Variants in CNNM3 observed in about 807,000 individuals in gnomAD.
CNNM3 encodes the protein metal transporter CNNM3.
Under a neutral mutation model 57.1 loss-of-function variants are expected in CNNM3, and 47 were observed. That is an observed-to-expected ratio of 0.82 (90% CI 0.65 to 1.05). The LOEUF (loss-of-function observed/expected upper bound fraction) is 1.05, where lower values mean the gene tolerates loss of function less well. Among genes scored for constraint, CNNM3 ranks in the 50% least tolerant of loss-of-function variants. The pLI, the probability that CNNM3 is intolerant of heterozygous loss-of-function variation, is 0.00. For synonymous variants in CNNM3, 507 were observed against 478.2 expected (o/e 1.06, Z -0.79); for missense variants, 957 against 973.7 (o/e 0.98, Z 0.23).
chr2:96,819,447 C>A (rs1370486632), intron 1 of CNNM3, among the ~76,000 whole-genome samples: 1 of 152,230 alleles, frequency 6.6e-6, no homozygotes, highest in Non-Finnish European at 1.5e-5. Context: ...GCACTTTGGC[C>A]AGTGCCTGGC....
intron 1 of CNNM3, among the ~76,000 whole-genome samples, chr2:96,817,785 G>T (rs2079347433): frequency 6.6e-6 from 1 of 150,656 alleles, no homozygotes; most frequent in South Asian, 2.1e-4. Context: ...GGGTATGTCC[G>T]CTTGTCCTCT....
chr2:96,831,073 C>T lies in CNNM3; in HGVS notation c.2060-1479C>T, dbSNP rs538810904. Among the ~76,000 whole-genome samples the T allele has an allele frequency of 5.3e-5, 8 of 152,288 alleles. No individual in the cohort carries two copies. The East Asian group carries it at 5.8e-4, about 11-fold the overall frequency. On this transcript the variant is annotated intron_variant, in intron 7 of 7. Coordinates refer to ENST00000305510, the MANE Select transcript of CNNM3 (RefSeq NM_017623.5). Reference sequence around the variant, plus strand: ...AATGCTCTTCCCATCACTGCACACCCGGAGATTTTTAAATAATCTTCACTG... The same window carrying T: ...AATGCTCTTCCCATCACTGCACACCTGGAGATTTTTAAATAATCTTCACTG...
At chr2:96,827,996 C>T (rs1245920515) in intron 4 of CNNM3, 96 bp downstream of exon 4, 1 of 1,558,190 alleles carries the variant, frequency 6.4e-7, no homozygotes, top group African/African-American at 1.4e-5. Flanking sequence ...GATATGCACC[C>T]TCCCACCCCA....
downstream of CNNM3, chr2:96,837,174 T>C (rs569257555): frequency 2.0e-5 from 3 of 152,374 alleles, no homozygotes; most frequent in African/African-American, 7.2e-5. Context: ...TCTATTCTTT[T>C]TCAAAATATT....
intron 1 of CNNM3, 111 bp downstream of exon 1, chr2:96,817,613 G>A (rs1574097626): frequency 9.6e-7 from 1 of 1,046,026 alleles, no homozygotes; most frequent in East Asian, 2.4e-5. Context: ...GTGGAGAGCA[G>A]TGAGACCTCT....
chr2:96,830,317 C>G (rs190862940), intron 7 of CNNM3, among the ~76,000 whole-genome samples: 1 of 151,978 alleles, frequency 6.6e-6, no homozygotes, highest in Admixed American at 6.6e-5. Flanking sequence ...CTAGGAGCTT[C>G]CATGTCTAAC....
rs1026847064 is a variant in CNNM3, at chr2:96,833,287, G to T, written c.*671G>T. The stretch of plus-strand genomic sequence containing the variant: ...GAGAGCTGGCCTAGTGGTGCTGAGG[G>T]CCCCTTTCTGCTTCTCTGCCCACCT... On this transcript the variant is annotated 3_prime_UTR_variant, in exon 8 of 8. Coordinates refer to ENST00000305510, the MANE Select transcript of CNNM3 (RefSeq NM_017623.5). 1 of 312,100 alleles carries T rather than the reference G, an allele frequency of 3.2e-6. No individual in the cohort carries two copies. The highest frequency in any genetic ancestry group is 6.3e-6 in the Non-Finnish European group (1 of 157,766). 19.3% of individuals were successfully genotyped at this position (312,100 alleles called of 1,614,324 possible). A position where few individuals can be genotyped will look rare whatever the true frequency, so the allele number is the denominator to read the frequency against.
Position 96,833,111 on chromosome 2 carries a change from C to A in CNNM3, c.*495C>A. 2 of 886,974 alleles carry A rather than the reference C, an allele frequency of 2.3e-6. No individual in the cohort carries two copies. Among genetic ancestry groups the A allele is most frequent in the Middle Eastern group, 3.2e-4 (1 of 3,096 alleles). The allele number at this position is 886,974 out of a possible 1,614,324, so 54.9% of individuals were successfully genotyped here. On this transcript the variant is annotated 3_prime_UTR_variant, in exon 8 of 8. Coordinates refer to ENST00000305510, the MANE Select transcript of CNNM3 (RefSeq NM_017623.5). ...TTGGCTGGGGGTTCAGATCGATGGC[C>A]TTGTCCATGTTGTCCTTTCTGGCTT...
In CNNM3 at chr2:96,834,655, A is replaced by AAG. The variant is rs10643982; in HGVS notation, c.*2040_*2041dup. Among the ~76,000 whole-genome samples, 80,186 of 151,888 alleles carry AAG rather than the reference A, an allele frequency of 0.53. 26,145 individuals carry two copies. Among genetic ancestry groups the AAG allele is most frequent in the African/African-American group, 0.88 (36,407 of 41,400 alleles). On this transcript the variant is annotated 3_prime_UTR_variant, in exon 8 of 8. Coordinates refer to ENST00000305510, the MANE Select transcript of CNNM3 (RefSeq NM_017623.5). ...TGAGCCACCGTGCCCAGATTCACAG[A>AAG]AGTTTCATACACCTTTCACCCAGGT...
rs535053287 is a variant in CNNM3, at chr2:96,834,898, G to C, written c.*2282G>C. Among the ~76,000 whole-genome samples, 23 of 152,308 alleles carry C rather than the reference G, an allele frequency of 1.5e-4. No homozygotes were observed. Among genetic ancestry groups the C allele is most frequent in the African/African-American group, 5.1e-4 (21 of 41,564 alleles). On this transcript the variant is annotated 3_prime_UTR_variant, in exon 8 of 8. Transcript: ENST00000305510. ...AAATAATTTCAGATGATAGGAAGTT[G>C]TAAAGGTAAGGGCCCCACGCACCCT... is the stretch of plus-strand genomic sequence containing the variant.
Position 96,833,844 on chromosome 2 carries a change from C to T in CNNM3, c.*1228C>T, listed in dbSNP as rs1047350737. 3 of 152,166 alleles carry T rather than the reference C, an allele frequency of 2.0e-5. No individual in the cohort carries two copies. The highest frequency in any genetic ancestry group is 2.0e-4 in the Admixed American group (3 of 15,274). The allele number at this position is 152,166 out of a possible 1,614,324, so 9.4% of individuals were successfully genotyped here. On this transcript the variant is annotated 3_prime_UTR_variant, in exon 8 of 8. Transcript: ENST00000305510. ...AGTGATATCCTTGCTTAGAAATTGT[C>T]CTCAAGGAATAAACTCTGAGAGCAA... is the stretch of plus-strand genomic sequence containing the variant.
chr2:96,828,764 C>G, intron 6 of CNNM3, 64 bp downstream of exon 6: 2 of 1,602,306 alleles, frequency 1.2e-6, no homozygotes, highest in Non-Finnish European at 1.7e-6. Context: ...GGGGCTAGAC[C>G]AGCTGGTCTG....
In CNNM3 at chr2:96,816,945, C is replaced by T. The variant is rs2079329449; in HGVS notation, c.668C>T (p.Pro223Leu). 3.1e-6 allele frequency: 4 copies of T among 1,273,068 alleles called. No individual in the cohort carries two copies. Among genetic ancestry groups the T allele is most frequent in the African/African-American group, 1.6e-5 (1 of 62,496 alleles). The allele number at this position is 1,273,068 out of a possible 1,614,324, so 78.9% of individuals were successfully genotyped here. Residue 223 changes from proline to leucine, a missense_variant, in exon 1 of 8, where the codon CCC becomes CTC. Transcript: ENST00000305510. ...CGCGCGGCCGGCCAGCGTGCGGTGC[C>T]CGCCGTGTTGGGCAGCGCGGGGCTC... ...LYRAAGQRAVPAVLGSAGLVF... is the reference protein window; with the variant it reads ...LYRAAGQRAVLAVLGSAGLVF...
chr2:96,826,811 G>T (rs375141822), intron 2 of CNNM3, 22 bp from the exon 3 acceptor site: 2 of 1,613,312 alleles, frequency 1.2e-6, no homozygotes, highest in African/African-American at 2.7e-5. Context: ...ATGCCTGAGC[G>T]CGCCCTCTTC....
At chr2:96,818,983 C>T (rs893820381) in intron 1 of CNNM3, among the ~76,000 whole-genome samples, 3 of 152,164 alleles carry the variant, frequency 2.0e-5, no homozygotes, top group African/African-American at 7.2e-5. Context: ...TGAGCACTGC[C>T]GTGTGCCAGG....
At chr2:96,818,076 A>C (rs566337296) in intron 1 of CNNM3, among the ~76,000 whole-genome samples, 4 of 152,262 alleles carry the variant, frequency 2.6e-5, no homozygotes, top group African/African-American at 9.6e-5. Context: ...GCTTTCACCA[A>C]AAGTAACTCC....
rs2153352888 is a variant in CNNM3, at chr2:96,816,478, C to T, written c.201C>T (p.Phe67=). ...ACGCCACCTTCCTCCTGCGCCTCTT[C>T]GGCCCGGGCTTCGCCAACAGCTCTT... is the stretch of plus-strand genomic sequence containing the variant. The part of the protein sequence containing the change: ...TPDATFLLRL[F]GPGFANSSWS... Residue 67 remains phenylalanine (F), a synonymous_variant, in exon 1 of 8, where the codon TTC becomes TTT. Transcript: ENST00000305510. The T allele has an allele frequency of 1.4e-6, 2 of 1,458,116 alleles. No homozygotes were observed. Among genetic ancestry groups the T allele is most frequent in the East Asian group, 3.0e-5 (1 of 33,046 alleles). The allele number at this position is 1,458,116 out of a possible 1,614,324, so 90.3% of individuals were successfully genotyped here.
chr2:96,823,299 A>C (rs1287738602), intron 1 of CNNM3, among the ~76,000 whole-genome samples: 4 of 152,186 alleles, frequency 2.6e-5, no homozygotes, highest in Non-Finnish European at 5.9e-5. Flanking sequence ...TCCTGGGAGA[A>C]GGGAGCCGAG....
At chr2:96,823,437 C>T (rs1447522901) in intron 1 of CNNM3, among the ~76,000 whole-genome samples, 1 of 152,200 alleles carries the variant, frequency 6.6e-6, no homozygotes. Context: ...GGTTTGTACT[C>T]TGGTGGGGCA....
Sources: allele counts gnomAD v4.1 joint callset (sites outside exome capture counted in the v4.1 genomes callset), GRCh38; gene constraint gnomAD v4.1.1; transcripts MANE v1.5; gene names NCBI Gene and HGNC (gene_info 2026-07-23, HGNC 2026-07-21).